FRMD8: variants seen among roughly 807,000 people sequenced by gnomAD.
FRMD8 encodes the protein FERM domain-containing protein 8.
FRMD8 carries 37 observed loss-of-function variants against 54.2 expected under a neutral mutation model. That is an observed-to-expected ratio of 0.68 (90% CI 0.53 to 0.90). The LOEUF (loss-of-function observed/expected upper bound fraction) is 0.90, where lower values mean the gene tolerates loss of function less well. FRMD8 is among the 40% of genes least tolerant of loss of function. FRMD8 has a pLI of 0.00. For synonymous variants in FRMD8, 246 were observed against 286.9 expected (o/e 0.86, Z 1.44); for missense variants, 585 against 653.7 (o/e 0.89, Z 1.15).
chr11:65,407,089 C>T (rs1856215273), intron 10 of FRMD8, among the ~76,000 whole-genome samples: 2 of 152,244 alleles, frequency 1.3e-5, no homozygotes, highest in South Asian at 4.2e-4. Flanking sequence ...CATTCCTTAG[C>T]TCTGATGTGG....
At chr11:65,372,989 G>A in the FRMD8 span, among the ~76,000 whole-genome samples, 142 of 152,302 alleles carry the variant, frequency 9.3e-4, no homozygotes, top group African/African-American at 2.8e-3. Context: ...GGTGGCTCAC[G>A]CCTGTTAATC....
At chr11:65,379,828 C>T in the FRMD8 span, 1 of 1,612,400 alleles carries the variant, frequency 6.2e-7, no homozygotes, top group Non-Finnish European at 8.5e-7. Flanking sequence ...CAGATGCCTC[C>T]CCGAAAGGGG....
At chr11:65,379,009 G>A in the FRMD8 span, 1 of 280,124 alleles carries the variant, frequency 3.6e-6, no homozygotes, top group Non-Finnish European at 6.9e-6. Context: ...TGGGCTCACA[G>A]CTCTGCGGGG....
chr11:65,396,863 CT>C lies in FRMD8; in HGVS notation c.647del (p.Leu216ProfsTer16). 1 of 1,561,252 alleles carries C rather than the reference CT, an allele frequency of 6.4e-7. No homozygotes were observed. The highest frequency in any genetic ancestry group is 8.7e-7 in the Non-Finnish European group (1 of 1,153,894). On this transcript the variant is annotated frameshift_variant, in exon 7 of 11. Coordinates refer to ENST00000317568, the MANE Select transcript of FRMD8 (RefSeq NM_031904.5). LOFTEE classifies it high-confidence loss of function. ...GCGGGGCCAGAGTCTCTTTGCTGCC[CT>C]CCGGGGCCGTGGGGCCAGGGCCGGG... Reference protein sequence around the residue: ...CKRGQSLFAALRGRGARAGPG... With the variant: ...CKRGQSLFAAXRGRGARAGPG...
At chr11:65,390,168 C>T (rs191862613) in intron 3 of FRMD8, among the ~76,000 whole-genome samples, 2 of 152,138 alleles carry the variant, frequency 1.3e-5, no homozygotes, top group Admixed American at 6.5e-5. Flanking sequence ...TGGCTGGCCT[C>T]GTGACCACCC....
chr11:65,405,215 G>A (rs763585776), intron 10 of FRMD8, 147 bp downstream of exon 10: 216 of 742,854 alleles, frequency 2.9e-4, no homozygotes, highest in Middle Eastern at 7.0e-4. Context: ...TGAGCAGGCC[G>A]AGCCCGGGCC....
chr11:65,396,909 T>C lies in FRMD8; in HGVS notation c.692T>C (p.Leu231Pro). 6.4e-7 allele frequency: 1 copy of C among 1,557,030 alleles called. No homozygotes were observed. Among genetic ancestry groups the C allele is most frequent in the South Asian group, 1.2e-5 (1 of 84,002 alleles). Residue 231 changes from leucine (L) to proline (P), a missense_variant, in exon 7 of 11, where the codon CTG (leucine) becomes CCG (proline). By Grantham distance (98) the Leu-to-Pro change is moderately conservative. Coordinates refer to ENST00000317568, the MANE Select transcript of FRMD8 (RefSeq NM_031904.5). ...ARAGPGEQGL[L>P]NAYRQVQEVS... is the part of the protein sequence containing the mutation. ...GCCGGGCCGGGCGAGCAGGGCCTGC[T>C]GAACGCCTACCGCCAGGTGCAGGAG...
rs1408302612 is a variant in FRMD8 at position 65,396,952 on chromosome 11, G to A, written c.735G>A (p.Gly245=). 1 of 1,520,706 alleles carries A rather than the reference G, an allele frequency of 6.6e-7. No homozygotes were observed. The highest frequency in any genetic ancestry group is 1.2e-5 in the South Asian group (1 of 80,554). 94.2% of individuals were successfully genotyped at this position (1,520,706 alleles called of 1,614,324 possible). The part of the protein sequence containing the change: ...RQVQEVSSDG[G]CEAALGTHYR... Reference sequence around the variant, plus strand: ...TGCAGGAGGTCAGCAGCGACGGCGGGTGCGAGGCCGCCCTGGGCACCCACT... The same window carrying A: ...TGCAGGAGGTCAGCAGCGACGGCGGATGCGAGGCCGCCCTGGGCACCCACT... Residue 245 remains glycine, a synonymous_variant, in exon 7 of 11, where the codon GGG becomes GGA. Transcript: ENST00000317568.
chr11:65,400,868 G>A lies in FRMD8; in HGVS notation c.1071+1G>A. The A allele has an allele frequency of 6.2e-7, 1 of 1,600,322 alleles. No individual in the cohort carries two copies. Among genetic ancestry groups the A allele is most frequent in the Non-Finnish European group, 8.5e-7 (1 of 1,172,508 alleles). On this transcript the variant is annotated splice_donor_variant, in intron 9 of 10. Transcript: ENST00000317568. LOFTEE classifies it high-confidence loss of function. The surrounding 1 kb of genome is among the most constrained non-coding windows in gnomAD (Gnocchi z 4.3). ...GCTCCTCAAGATCTACTCCAAGCAGGTAGCGCGGGTGGTGCCTGCACACGG... is the reference window on the plus strand; with the variant it reads ...GCTCCTCAAGATCTACTCCAAGCAGATAGCGCGGGTGGTGCCTGCACACGG...
upstream of FRMD8, chr11:65,381,911 T>C (rs1453753321): frequency 1.9e-6 from 3 of 1,613,956 alleles, no homozygotes; most frequent in Non-Finnish European, 2.5e-6. Flanking sequence ...GAAAAATGTC[T>C]CACCAGAGAT....
At chr11:65,377,430 G>A in the FRMD8 span, 9 of 1,089,888 alleles carry the variant, frequency 8.3e-6, no homozygotes, top group East Asian at 6.9e-5. Context: ...ATACCTGTAC[G>A]GTGGGCAGGG....
rs576211844 is a variant in FRMD8 at position 65,399,718 on chromosome 11, C to T, written c.804-18C>T. The T allele has an allele frequency of 1.2e-6, 2 of 1,613,292 alleles. No homozygotes were observed. Among genetic ancestry groups the T allele is most frequent in the Non-Finnish European group, 1.7e-6 (2 of 1,179,554 alleles). ...ATTTCTGGTGCTGGCCGGAGGCTGA[C>T]CCCAGTCCCCTCCCCAGGTGTGCCT... On this transcript the variant is annotated intron_variant, in intron 7 of 10. Coordinates refer to ENST00000317568, the MANE Select transcript of FRMD8 (RefSeq NM_031904.5).
intron 9 of FRMD8, among the ~76,000 whole-genome samples, chr11:65,402,427 G>A (rs1313785346): frequency 6.6e-6 from 1 of 151,952 alleles, no homozygotes; most frequent in Non-Finnish European, 1.5e-5. Context: ...ACATGTGTGG[G>A]TCTGTTTCTG....
chr11:65,388,994 C>T (rs1172828231), intron 2 of FRMD8, among the ~76,000 whole-genome samples: 1 of 152,174 alleles, frequency 6.6e-6, no homozygotes, highest in Admixed American at 6.5e-5. Flanking sequence ...TGTTCTTGTT[C>T]AGGGCAGAAG....
intron 9 of FRMD8, among the ~76,000 whole-genome samples, chr11:65,403,352 T>C (rs981514268): frequency 1.3e-5 from 2 of 152,068 alleles, no homozygotes; most frequent in African/African-American, 4.8e-5. Context: ...CCAGCTAATT[T>C]TTGTATTTTT....
At chr11:65,376,888 G>T in the FRMD8 span, 1 of 1,614,164 alleles carries the variant, frequency 6.2e-7, no homozygotes, top group Non-Finnish European at 8.5e-7. Flanking sequence ...TCCCCACCGT[G>T]GGGGTGTCCC....
Position 65,411,303 on chromosome 11 carries a change from C to T in FRMD8, c.1338C>T (p.Ser446=). 2 of 1,609,538 alleles carry T rather than the reference C, an allele frequency of 1.2e-6. No individual in the cohort carries two copies. The highest frequency in any genetic ancestry group is 1.7e-6 in the Non-Finnish European group (2 of 1,179,246). The change falls in exon 11 of 11, where the codon TCC becomes TCT. Residue 446 remains serine (S), a synonymous_variant. Coordinates refer to ENST00000317568, the MANE Select transcript of FRMD8 (RefSeq NM_031904.5). ...RTTSFFSRQL[S]LGQGSYTVVQ... ...CATCCTTCTTCAGCCGGCAGCTGTC[C>T]TTGGGCCAGGGGAGCTACACCGTGG...
the FRMD8 span, chr11:65,378,069 T>A: frequency 6.6e-6 from 1 of 152,072 alleles, no homozygotes; most frequent in Non-Finnish European, 1.5e-5. Flanking sequence ...TTAGGTACCA[T>A]CCCTTGGGAG....
At chr11:65,390,357 C>T (rs1855819272) in intron 3 of FRMD8, among the ~76,000 whole-genome samples, 1 of 152,026 alleles carries the variant, frequency 6.6e-6, no homozygotes, top group Non-Finnish European at 1.5e-5. Flanking sequence ...ATAGGCCGGG[C>T]GAGTTTTCTT....
Sources: allele counts gnomAD v4.1 joint callset (sites outside exome capture counted in the v4.1 genomes callset), GRCh38; gene constraint gnomAD v4.1.1; non-coding constraint Gnocchi (gnomAD v3.1); transcripts MANE v1.5; gene names NCBI Gene and HGNC (gene_info 2026-07-23, HGNC 2026-07-21).